MAMSTR: variants seen among roughly 807,000 people sequenced by gnomAD.
MAMSTR encodes MEF2 activating motif and SAP domain containing transcriptional regulator.
A neutral mutation model predicts 42.7 loss-of-function variants in MAMSTR; 41 were observed. The observed-to-expected ratio is 0.96, with a 90% confidence interval of 0.75 to 1.25. The LOEUF is 1.25. Among genes scored for constraint, MAMSTR ranks in the 50% most tolerant of loss-of-function variants. The pLI, the probability that MAMSTR is intolerant of heterozygous loss-of-function variation, is 0.00. For missense variants in MAMSTR, 567 were observed against 557.6 expected (o/e 1.02, Z -0.17); for synonymous variants, 265 against 244.1 (o/e 1.09, Z -0.80).
chr19:48,716,778 C>T (rs2033055323), intron 2 of MAMSTR, 35 bp from the exon 3 acceptor site: 1 of 1,290,236 alleles, frequency 7.8e-7, no homozygotes, highest in South Asian at 2.7e-5. Flanking sequence ...AGGAGGAAGG[C>T]GGGAAGGGAG....
At chr19:48,716,128 C>T (rs2033016715) in intron 3 of MAMSTR, among the ~76,000 whole-genome samples, 1 of 152,118 alleles carries the variant, frequency 6.6e-6, no homozygotes, top group African/African-American at 2.4e-5. Flanking sequence ...GTAATCCCAG[C>T]AGTTTGGGAG....
In MAMSTR at chr19:48,719,308, C is replaced by G. The variant is rs142579732; in HGVS notation, c.-21-256G>C. ...AAAGACAGGGCTGAGGGTCTCAACCCTGGGATCCTGGGAGGGGAGGGACCT... is the reference window on the plus strand; with the variant it reads ...AAAGACAGGGCTGAGGGTCTCAACCGTGGGATCCTGGGAGGGGAGGGACCT... On this transcript the variant is annotated intron_variant, in intron 1 of 9. Coordinates refer to ENST00000318083, the MANE Select transcript of MAMSTR (RefSeq NM_001130915.2). This position sits in a 1 kb window ranked among gnomAD's most constrained non-coding sequence, Gnocchi z 4.4. 8.0e-3 allele frequency among the ~76,000 whole-genome samples: 1,222 copies of G among 152,178 alleles called. 15 individuals carry two copies. The highest frequency in any genetic ancestry group is 0.027 in the African/African-American group (1,133 of 41,526).
Position 48,716,690 on chromosome 19 carries a change from G to T in MAMSTR, c.97+15C>A. The T allele has an allele frequency of 7.5e-7, 1 of 1,331,692 alleles. No homozygotes were observed. The highest frequency in any genetic ancestry group is 9.7e-7 in the Non-Finnish European group (1 of 1,031,772). The allele number at this position is 1,331,692 out of a possible 1,614,324, so 82.5% of individuals were successfully genotyped here. A position where few individuals can be genotyped will look rare whatever the true frequency, so the allele number is the denominator to read the frequency against. ...GGGGGGTCACCATCCCCTCCCTTTT[G>T]GGGCCCATACTTACTCTGCTCCTGA... On this transcript the variant is annotated intron_variant, in intron 3 of 9. Coordinates refer to ENST00000318083, the MANE Select transcript of MAMSTR (RefSeq NM_001130915.2).
chr19:48,706,594 A>G, the MAMSTR span, among the ~76,000 whole-genome samples: 71,023 of 151,906 alleles, frequency 0.47, 17,699 homozygotes, highest in Middle Eastern at 0.59. Context: ...CTGAGATCAC[A>G]CCATTGCACT....
chr19:48,714,475 C>T lies in MAMSTR; in HGVS notation c.614G>A (p.Gly205Asp), dbSNP rs200099449. 4,452 of 1,364,558 alleles carry T rather than the reference C, an allele frequency of 3.3e-3. 99 individuals are homozygous for T. In the African/African-American group the frequency reaches 0.052, roughly 16 times the overall value. 84.5% of individuals were successfully genotyped at this position (1,364,558 alleles called of 1,614,324 possible). A position where few individuals can be genotyped will look rare whatever the true frequency, so the allele number is the denominator to read the frequency against. The change falls in exon 7 of 10, where the codon GGC becomes GAC. Residue 205 changes from glycine to aspartate, a missense_variant. Gly to Asp is a moderately conservative substitution (Grantham distance 94, BLOSUM62 -1). Transcript: ENST00000318083. Reference sequence around the variant, plus strand: ...CTTCGGCCGCTCGCGGGGCGGCGCGCCGCCGCGCATGCGCTCCAGGAGCAT... The same window carrying T: ...CTTCGGCCGCTCGCGGGGCGGCGCGTCGCCGCGCATGCGCTCCAGGAGCAT... ...KSMLLERMRG[G>D]APPRERPKPR... is the part of the protein sequence containing the mutation.
Position 48,714,369 on chromosome 19 carries a change from G to C in MAMSTR, c.720C>G (p.Gly240=), listed in dbSNP as rs1189762240. The change falls in exon 7 of 10, where the codon GGC becomes GGG. Residue 240 remains glycine, a synonymous_variant. Coordinates refer to ENST00000318083, the MANE Select transcript of MAMSTR (RefSeq NM_001130915.2). ...AAGCTCATAGCCCCGCCCTCACCGAGCCCTGACGCCGGGCGGCTGCCAGGG... is the reference window on the plus strand; with the variant it reads ...AAGCTCATAGCCCCGCCCTCACCGACCCCTGACGCCGGGCGGCTGCCAGGG... ...PKALAAARRQ[G]SVKPSAASHR... The C allele has an allele frequency of 7.3e-7, 1 of 1,365,190 alleles. No individual in the cohort carries two copies. The highest frequency in any genetic ancestry group is 1.5e-5 in the African/African-American group (1 of 65,468). 84.6% of individuals were successfully genotyped at this position (1,365,190 alleles called of 1,614,324 possible). A position where few individuals can be genotyped will look rare whatever the true frequency, so the allele number is the denominator to read the frequency against.
Position 48,713,020 on chromosome 19 carries a change from T to A in MAMSTR, c.*247A>T. On this transcript the variant is annotated 3_prime_UTR_variant, in exon 10 of 10. Transcript: ENST00000318083. ...TCTGAAGGAAGCAGCAAGCAGCTTGTTTGCCGTGGCCAGCAGCAAAAGAAG... is the reference window on the plus strand; with the variant it reads ...TCTGAAGGAAGCAGCAAGCAGCTTGATTGCCGTGGCCAGCAGCAAAAGAAG... The A allele has an allele frequency of 2.2e-6, 1 of 453,230 alleles. No individual in the cohort carries two copies. The highest frequency in any genetic ancestry group is 4.1e-5 in the Admixed American group (1 of 24,142). 28.1% of individuals were successfully genotyped at this position (453,230 alleles called of 1,614,324 possible).
intron 2 of MAMSTR, chr19:48,717,129 G>T: frequency 4.0e-6 from 1 of 250,154 alleles, no homozygotes; most frequent in Non-Finnish European, 6.4e-6. Context: ...GCTACTTTCT[G>T]TGCTATCTCG....
At chr19:48,706,509 T>A in the MAMSTR span, among the ~76,000 whole-genome samples, 1 of 151,556 alleles carries the variant, frequency 6.6e-6, no homozygotes, top group African/African-American at 2.4e-5. Flanking sequence ...TGGTGGTGCA[T>A]GCCTGTAATC....
chr19:48,714,512 C>G lies in MAMSTR; in HGVS notation c.577G>C (p.Gly193Arg). ...CGCTCCAGGAGCATAGACTTGGTCC[C>G]CGACACTGGGAGGCCCCGCAGGCGC... ...QLRLRGLPVSGTKSMLLERMR... is the reference protein window; with the variant it reads ...QLRLRGLPVSRTKSMLLERMR... The change falls in exon 7 of 10, where the codon GGG (glycine) becomes CGG (arginine). Residue 193 changes from glycine (G) to arginine (R), a missense_variant. Physicochemically the swap from Gly to Arg is moderately radical, Grantham distance 125. Transcript: ENST00000318083. The G allele has an allele frequency of 4.1e-6, 6 of 1,451,148 alleles. No individual in the cohort carries two copies. The highest frequency in any genetic ancestry group is 5.1e-5 in the East Asian group (2 of 39,028). The allele number at this position is 1,451,148 out of a possible 1,614,324, so 89.9% of individuals were successfully genotyped here.
At chr19:48,716,862 C>T (rs2033059428) in intron 2 of MAMSTR, 119 bp from the exon 3 acceptor site, 2 of 1,239,898 alleles carry the variant, frequency 1.6e-6, no homozygotes, top group East Asian at 3.2e-5. Context: ...AGCCCCCTTA[C>T]ACAGCCTGTG....
intron 3 of MAMSTR, 149 bp from the exon 4 acceptor site, chr19:48,715,916 A>G: frequency 1.4e-6 from 2 of 1,433,832 alleles, no homozygotes; most frequent in Non-Finnish European, 1.8e-6. Context: ...CCTGAACTGG[A>G]TCTGAGGGCG....
At chr19:48,717,956 T>C (rs56033061) in intron 2 of MAMSTR, among the ~76,000 whole-genome samples, 140,176 of 152,036 alleles carry the variant, frequency 0.92, 64,781 homozygotes, top group Middle Eastern at 0.97. Context: ...CCGCCCGCCT[T>C]GGCCTCCCAA....
rs761837490 is a variant in MAMSTR, at chr19:48,718,991, C to A, written c.41G>T (p.Arg14Leu). ...AASSQRSQII[R>L]SKFRSVLQLR... is the part of the protein sequence containing the mutation. ...TCTCTCACCAGATCGGAACTTGGAGCGAATGATTTGGGAACGCTGGGAGGA... is the reference window on the plus strand; with the variant it reads ...TCTCTCACCAGATCGGAACTTGGAGAGAATGATTTGGGAACGCTGGGAGGA... Residue 14 changes from arginine to leucine, a missense_variant, in exon 2 of 10, where the codon CGC becomes CTC. By Grantham distance (102) the Arg-to-Leu change is moderately radical. Transcript: ENST00000318083. 25 of 1,551,208 alleles carry A rather than the reference C, an allele frequency of 1.6e-5. No homozygotes were observed. Among genetic ancestry groups the A allele is most frequent in the African/African-American group, 2.7e-5 (2 of 72,978 alleles).
intron 4 of MAMSTR, 80 bp from the exon 5 acceptor site, chr19:48,715,526 T>C: frequency 6.8e-7 from 1 of 1,468,274 alleles, no homozygotes; most frequent in Non-Finnish European, 9.0e-7. Flanking sequence ...AAGTATGGGG[T>C]CAGCTCGGTG....
At chr19:48,709,808 C>A (rs79891889), downstream of MAMSTR, among the ~76,000 whole-genome samples, 3,061 of 152,292 alleles carry the variant, frequency 0.02, 97 homozygotes, top group African/African-American at 0.067. Flanking sequence ...GAAATTCAAA[C>A]TAGGTAATCT....
chr19:48,713,162 C>G lies in MAMSTR; in HGVS notation c.*105G>C, dbSNP rs985940684. On this transcript the variant is annotated 3_prime_UTR_variant, in exon 10 of 10. Coordinates refer to ENST00000318083, the MANE Select transcript of MAMSTR (RefSeq NM_001130915.2). ...GGTGGGGTTGGAGGTTGTCTCCGAT[C>G]CTGTGTCTGCGGTAGGAGGGGCTCT... 2 of 1,153,158 alleles carry G rather than the reference C, an allele frequency of 1.7e-6. No individual in the cohort carries two copies. Among genetic ancestry groups the G allele is most frequent in the Admixed American group, 5.8e-5 (2 of 34,636 alleles). 71.4% of individuals were successfully genotyped at this position (1,153,158 alleles called of 1,614,324 possible). A position where few individuals can be genotyped will look rare whatever the true frequency, so the allele number is the denominator to read the frequency against.
At position 48,714,539 on chromosome 19, in the gene MAMSTR, G is replaced by T. The variant is rs1411941922; in HGVS notation, c.550C>A (p.Leu184Met). The part of the protein sequence containing the change: ...ELTVSELRQQ[L>M]RLRGLPVSGT... ...GACACTGGGAGGCCCCGCAGGCGCAGCTGCTGCCGGAGCTCTGAGACCTGG... is the reference window on the plus strand; with the variant it reads ...GACACTGGGAGGCCCCGCAGGCGCATCTGCTGCCGGAGCTCTGAGACCTGG... The change falls in exon 7 of 10, where the codon CTG (leucine) becomes ATG (methionine). Residue 184 changes from leucine to methionine, a missense_variant. Physicochemically the swap from Leu to Met is conservative, Grantham distance 15. Transcript: ENST00000318083. 3 of 1,458,784 alleles carry T rather than the reference G, an allele frequency of 2.1e-6. No homozygotes were observed. In the African/African-American group the frequency reaches 4.3e-5, roughly 21 times the overall value. 90.4% of individuals were successfully genotyped at this position (1,458,784 alleles called of 1,614,324 possible). A position where few individuals can be genotyped will look rare whatever the true frequency, so the allele number is the denominator to read the frequency against.
intron 4 of MAMSTR, 88 bp from the exon 5 acceptor site, chr19:48,715,534 G>A: frequency 6.8e-7 from 1 of 1,474,234 alleles, no homozygotes; most frequent in East Asian, 2.5e-5. Context: ...GGTCAGCTCG[G>A]TGCCACCGAA....
Sources: gnomAD v4.1 joint callset for allele counts (sites outside exome capture counted in the v4.1 genomes callset) on GRCh38, gnomAD v4.1.1 for gene constraint, Gnocchi (gnomAD v3.1) non-coding constraint, MANE v1.5 for transcripts, NCBI Gene and HGNC (gene_info 2026-07-23, HGNC 2026-07-21) for gene names.